The following FLNB variants were observed in gnomAD, a reference collection of about 807,000 sequenced individuals.
The protein encoded by FLNB is filamin B.
Under a neutral mutation model 250.6 loss-of-function variants are expected in FLNB, and 111 were observed. The ratio of observed to expected loss-of-function variants is 0.44; its 90% confidence interval spans 0.38 to 0.52. FLNB has a LOEUF of 0.52. Ranked by LOEUF, FLNB falls within the 20% of genes least tolerant of loss-of-function variation. FLNB has a pLI of 0.00. For missense variants in FLNB, 2,869 were observed against 3,447.8 expected, an observed-to-expected ratio of 0.83 and a Z score of 4.20; for synonymous variants, 1,302 against 1,372.1, an observed-to-expected ratio of 0.95 and a Z score of 1.13.
At chr3:58,170,141 C>T (rs1575486718) in intron 45 of FLNB, among the ~76,000 whole-genome samples, 1 of 152,324 alleles carries the variant, frequency 6.6e-6, no homozygotes, top group East Asian at 1.9e-4. Context: ...TATTAAATCT[C>T]TTTCCAAAAG....
At position 58,051,434 on chromosome 3, in the gene FLNB, T is replaced by G. The variant is rs1042953295; in HGVS notation, c.293-25612T>G. On this transcript the variant is annotated intron_variant, in intron 1 of 45. Coordinates refer to ENST00000295956, the MANE Select transcript of FLNB (RefSeq NM_001457.4). ...TTGGGCACCTCCGGTTCTGCAAGCATGTACAGTACTTGCTCTCCTTTCCCT... is the reference window on the plus strand; with the variant it reads ...TTGGGCACCTCCGGTTCTGCAAGCAGGTACAGTACTTGCTCTCCTTTCCCT... Among the ~76,000 whole-genome samples the G allele has an allele frequency of 2.6e-5, 4 of 152,222 alleles. No individual in the cohort carries two copies. In the East Asian group the frequency reaches 7.7e-4, roughly 29 times the overall value.
chr3:58,065,194 G>A (rs1325786158), intron 1 of FLNB, among the ~76,000 whole-genome samples: 1 of 152,228 alleles, frequency 6.6e-6, no homozygotes, highest in Non-Finnish European at 1.5e-5. Context: ...GAGAGCCTCG[G>A]CAGCGCAGGC....
chr3:58,150,520 C>A, intron 38 of FLNB: 1 of 451,656 alleles, frequency 2.2e-6, no homozygotes. Flanking sequence ...GATTAACTAT[C>A]TGTCAAATAG....
chr3:58,105,270 T>A, intron 11 of FLNB, 54 bp downstream of exon 11: 1 of 1,611,774 alleles, frequency 6.2e-7, no homozygotes, highest in Non-Finnish European at 8.5e-7. Context: ...TTACAGGGCT[T>A]CCGGGCTGTG....
At chr3:58,066,217 CTTT>C (rs754973485) in intron 1 of FLNB, among the ~76,000 whole-genome samples, 3 of 138,246 alleles carry the variant, frequency 2.2e-5, no homozygotes, top group Admixed American at 7.2e-5. Context: ...TTCTTTTTTT[CTTT>C]TTTTTTTTTT....
intron 42 of FLNB, among the ~76,000 whole-genome samples, chr3:58,160,023 G>C (rs1412705185): frequency 6.6e-6 from 1 of 151,992 alleles, no homozygotes. Flanking sequence ...GGGTGACAGA[G>C]TGAGACCCTG....
At chr3:58,080,590 G>A (rs1328893668) in intron 3 of FLNB, among the ~76,000 whole-genome samples, 1 of 151,342 alleles carries the variant, frequency 6.6e-6, no homozygotes, top group Admixed American at 6.6e-5. Flanking sequence ...CGCCTCCTAG[G>A]TACAAGCGAT....
chr3:58,151,360 C>G (rs1367486617), intron 38 of FLNB: 1 of 144,484 alleles, frequency 6.9e-6, no homozygotes, highest in African/African-American at 2.6e-5. Context: ...CCGCTGCACT[C>G]CAGCCTGGGC....
chr3:58,065,979 A>C (rs2097185018), intron 1 of FLNB, among the ~76,000 whole-genome samples: 1 of 152,130 alleles, frequency 6.6e-6, no homozygotes, highest in Admixed American at 6.5e-5. Context: ...GCTGGGCTTT[A>C]ACCTGAGCCT....
chr3:58,010,924 G>A (rs535772019), intron 1 of FLNB, among the ~76,000 whole-genome samples: 6 of 151,992 alleles, frequency 3.9e-5, no homozygotes, highest in African/African-American at 1.4e-4. Context: ...CCCCACCACC[G>A]CCCCGCCTGG....
intron 1 of FLNB, among the ~76,000 whole-genome samples, chr3:58,056,468 C>A (rs912224671): frequency 6.6e-5 from 10 of 152,048 alleles, no homozygotes; most frequent in African/African-American, 2.2e-4. Context: ...GAAACACACC[C>A]ACTTTTCACA....
chr3:58,157,715 C>T (rs778627783), intron 41 of FLNB, among the ~76,000 whole-genome samples: 6 of 152,154 alleles, frequency 3.9e-5, no homozygotes, highest in Non-Finnish European at 5.9e-5. Flanking sequence ...TCAAATCTGC[C>T]GAGGCATTTA....
At chr3:58,087,433 T>G (rs1358907387) in intron 4 of FLNB, among the ~76,000 whole-genome samples, 1 of 151,952 alleles carries the variant, frequency 6.6e-6, no homozygotes, top group Non-Finnish European at 1.5e-5. Context: ...CACTGTGCAG[T>G]GCTCTCTACA....
At chr3:58,137,897 C>T (rs754261883) in intron 28 of FLNB, among the ~76,000 whole-genome samples, 4 of 152,178 alleles carry the variant, frequency 2.6e-5, no homozygotes, top group African/African-American at 2.4e-5. Context: ...TTGGAAATGT[C>T]GTTCTTGGTG....
chr3:58,073,180 C>T (rs13080729), intron 1 of FLNB, among the ~76,000 whole-genome samples: 16 of 57,104 alleles, frequency 2.8e-4, no homozygotes, highest in African/African-American at 7.6e-4. Context: ...TATTTATTTA[C>T]TTATTTATTG....
intron 38 of FLNB, chr3:58,150,844 C>A: frequency 6.3e-6 from 1 of 157,788 alleles, no homozygotes; most frequent in Non-Finnish European, 1.4e-5. Context: ...TTGGCATGTC[C>A]TGTGGAATTG....
Position 58,164,733 on chromosome 3 carries a change from G to A in FLNB, c.7198+1403G>A, listed in dbSNP as rs368513551. 1.1e-4 allele frequency: 17 copies of A among 152,374 alleles called. No homozygotes were observed. The highest frequency in any genetic ancestry group is 4.1e-4 in the African/African-American group (17 of 41,584). 9.4% of individuals were successfully genotyped at this position (152,374 alleles called of 1,614,324 possible). On this transcript the variant is annotated intron_variant, in intron 43 of 45. Coordinates refer to ENST00000295956, the MANE Select transcript of FLNB (RefSeq NM_001457.4). The surrounding 1 kb of genome is among the most constrained non-coding windows in gnomAD (Gnocchi z 4.0). ...GCTCCACGCTGAACTCTGGGCCTGC[G>A]GCTTGCCTTTTGTGAAAGGCATGGT...
In FLNB at chr3:58,123,668, T is replaced by C. The variant is rs2097292731; in HGVS notation, c.3702T>C (p.Phe1234=). The stretch of plus-strand genomic sequence containing the variant: ...TGGACACCAGCAGGATCAAAGTCTT[T>C]GGACCAGGAATAGAAGGGAAAGGTG... ...PAVDTSRIKV[F]GPGIEGKDVF... Residue 1234 remains phenylalanine, a synonymous_variant, in exon 21 of 46, where the codon TTT becomes TTC. Coordinates refer to ENST00000295956, the MANE Select transcript of FLNB (RefSeq NM_001457.4). The C allele has an allele frequency of 6.2e-7, 1 of 1,607,588 alleles. No homozygotes were observed. The highest frequency in any genetic ancestry group is 8.5e-7 in the Non-Finnish European group (1 of 1,178,768).
intron 4 of FLNB, among the ~76,000 whole-genome samples, chr3:58,091,049 G>A (rs922689543): frequency 5.3e-5 from 8 of 151,272 alleles, no homozygotes; most frequent in Non-Finnish European, 8.8e-5. Flanking sequence ...CCGCACTGTA[G>A]CCTGGGCGAC....
Sources: gnomAD v4.1 joint callset for allele counts (sites outside exome capture counted in the v4.1 genomes callset) on GRCh38, gnomAD v4.1.1 for gene constraint, Gnocchi (gnomAD v3.1) non-coding constraint, MANE v1.5 for transcripts, NCBI Gene and HGNC (gene_info 2026-07-23, HGNC 2026-07-21) for gene names.